Variants in PLCH2 observed in about 807,000 individuals in gnomAD.
PLCH2 encodes phospholipase C eta 2, also known as 1-phosphatidylinositol 4,5-bisphosphate phosphodiesterase eta-2.
Under a neutral mutation model 134.7 loss-of-function variants are expected in PLCH2, and 98 were observed. The observed-to-expected ratio is 0.73, with a 90% confidence interval of 0.62 to 0.86. The LOEUF is 0.86. Ranked by LOEUF, PLCH2 falls within the 40% of genes least tolerant of loss-of-function variation. The pLI, the probability that PLCH2 is intolerant of heterozygous loss-of-function variation, is 0.00. For missense variants in PLCH2, 1,994 were observed against 1,986.6 expected (o/e 1.00, Z -0.07); for synonymous variants, 974 against 827.5 (o/e 1.18, Z -3.04).
Position 2,498,651 on chromosome 1 carries a change from G to A in PLCH2, c.2349+4G>A. On this transcript the variant is annotated splice_donor_region_variant and intron_variant, in intron 17 of 21. Transcript: ENST00000378486. The surrounding 1 kb of genome is among the most constrained non-coding windows in gnomAD (Gnocchi z 5.4). ...CATGCTGGGGGACCGTGGGGAGGTG[G>A]GGGCCAGCCCCACACAGGCGGGAGG... 1.3e-6 allele frequency: 2 copies of A among 1,564,294 alleles called. No individual in the cohort carries two copies. The highest frequency in any genetic ancestry group is 1.7e-6 in the Non-Finnish European group (2 of 1,155,694).
At chr1:2,470,496 G>T (rs971447339) in intron 1 of PLCH2, among the ~76,000 whole-genome samples, 1 of 152,238 alleles carries the variant, frequency 6.6e-6, no homozygotes, top group Non-Finnish European at 1.5e-5. Context: ...CTCTGGCAGA[G>T]CATTCGTGGG....
rs12119806 is a variant in PLCH2, at chr1:2,435,608, G to A, written c.115+4979G>A. ...AGGACAGAGGTGGGAATAGTTGCTG[G>A]CTGGCAGGGCCCGAGTGCAGCGTGA... On this transcript the variant is annotated intron_variant, in intron 2 of 3. Transcript: ENST00000609981. 3.3e-3 allele frequency among the ~76,000 whole-genome samples: 498 copies of A among 152,246 alleles called. 2 individuals are homozygous for A. The highest frequency in any genetic ancestry group is 5.5e-3 in the Admixed American group (84 of 15,298).
At chr1:2,502,476 G>C (rs1185068226) in intron 21 of PLCH2, 67 bp downstream of exon 21, 2 of 1,451,616 alleles carry the variant, frequency 1.4e-6, no homozygotes, top group Admixed American at 3.9e-5. Context: ...GTCCTGGACG[G>C]CCCCGGGCCT....
At chr1:2,419,046 T>G in the PLCH2 span, among the ~76,000 whole-genome samples, 1 of 152,198 alleles carries the variant, frequency 6.6e-6, no homozygotes, top group Admixed American at 6.5e-5. Flanking sequence ...TTGGCACGGC[T>G]CATCCTCTGG....
chr1:2,467,710 A>G (rs2494631), intron 1 of PLCH2: 227,278 of 403,264 alleles, frequency 0.56, 67,090 homozygotes, highest in East Asian at 0.88. Flanking sequence ...TGGTCCCCGT[A>G]GGGAGCCCAG....
At chr1:2,477,901 G>A (rs144283296) in intron 1 of PLCH2, among the ~76,000 whole-genome samples, 1 of 152,202 alleles carries the variant, frequency 6.6e-6, no homozygotes, top group Non-Finnish European at 1.5e-5. Context: ...GAATTCGACC[G>A]CTCCCAGGAG....
intron 2 of PLCH2, among the ~76,000 whole-genome samples, chr1:2,438,478 T>C (rs1331662061): frequency 2.6e-5 from 4 of 152,104 alleles, no homozygotes; most frequent in African/African-American, 9.7e-5. Context: ...GCCCCTGCCA[T>C]GTCCCCTCCA....
chr1:2,420,143 A>G, the PLCH2 span, among the ~76,000 whole-genome samples: 1 of 151,496 alleles, frequency 6.6e-6, no homozygotes, highest in African/African-American at 2.4e-5. Context: ...TGAGTTAAGG[A>G]CTCAGACAGG....
intron 1 of PLCH2, among the ~76,000 whole-genome samples, chr1:2,477,031 G>T (rs1641669621): frequency 6.6e-6 from 1 of 152,190 alleles, no homozygotes; most frequent in Non-Finnish European, 1.5e-5. Flanking sequence ...GTGCTCTGGG[G>T]GTCAGTGGTG....
the PLCH2 span, among the ~76,000 whole-genome samples, chr1:2,417,127 C>G: frequency 2.8e-3 from 432 of 152,312 alleles, 3 homozygotes; most frequent in African/African-American, 9.1e-3. Flanking sequence ...TACCTGTGTC[C>G]CAGTCTCTAC....
intron 2 of PLCH2, among the ~76,000 whole-genome samples, chr1:2,458,157 G>A (rs1178887882): frequency 1.3e-5 from 2 of 152,230 alleles, no homozygotes; most frequent in African/African-American, 2.4e-5. Context: ...GAAGGTGGCC[G>A]GCTGGGTGGG....
At position 2,444,413 on chromosome 1, in the gene PLCH2, G is replaced by C. The variant is rs887038315; in HGVS notation, c.115+13784G>C. 2.6e-5 allele frequency among the ~76,000 whole-genome samples: 4 copies of C among 152,292 alleles called. No homozygotes were observed. The highest frequency in any genetic ancestry group is 1.9e-4 in the East Asian group (1 of 5,158). On this transcript the variant is annotated intron_variant, in intron 2 of 3. Coordinates refer to the PLCH2 transcript ENST00000609981. This position sits in a 1 kb window ranked among gnomAD's most constrained non-coding sequence, Gnocchi z 4.6. ...GCCTGGGCTGCAGGTGCTCATCTGG[G>C]GGGAGCCGGCCTCTCCCCACACTAG...
chr1:2,461,587 C>T (rs1356919906), intron 2 of PLCH2, among the ~76,000 whole-genome samples: 1 of 152,156 alleles, frequency 6.6e-6, no homozygotes, highest in East Asian at 1.9e-4. Context: ...GCCCTGGGGC[C>T]TCGGCTCCCC....
chr1:2,461,042 TGG>T (rs1640781084), intron 2 of PLCH2, among the ~76,000 whole-genome samples: 1 of 152,092 alleles, frequency 6.6e-6, no homozygotes, highest in South Asian at 2.1e-4. Context: ...AGGGCCTGGG[TGG>T]GGCCAGGTGG....
At chr1:2,460,636 C>T (rs778408943) in intron 2 of PLCH2, among the ~76,000 whole-genome samples, 7 of 152,190 alleles carry the variant, frequency 4.6e-5, no homozygotes, top group African/African-American at 1.2e-4. Context: ...AGGCCTGGGG[C>T]GGCACCCAGG....
chr1:2,465,941 C>T (rs557955255), upstream of PLCH2, among the ~76,000 whole-genome samples: 847 of 152,320 alleles, frequency 5.6e-3, 5 homozygotes, highest in African/African-American at 0.019. Flanking sequence ...CTGTGGCTTT[C>T]GCCTTCTGTC....
At position 2,498,239 on chromosome 1, in the gene PLCH2, C is replaced by A. The variant is rs1225963712; in HGVS notation, c.2225-284C>A. 1.1e-5 allele frequency: 5 copies of A among 443,562 alleles called. No individual in the cohort carries two copies. Among genetic ancestry groups the A allele is most frequent in the Non-Finnish European group, 2.0e-5 (5 of 246,806 alleles). 27.5% of individuals were successfully genotyped at this position (443,562 alleles called of 1,614,324 possible). A position where few individuals can be genotyped will look rare whatever the true frequency, so the allele number is the denominator to read the frequency against. On this transcript the variant is annotated intron_variant, in intron 16 of 21. Coordinates refer to ENST00000378486, the MANE Select transcript of PLCH2 (RefSeq NM_014638.4). The surrounding 1 kb of genome is among the most constrained non-coding windows in gnomAD (Gnocchi z 5.4). ...TCACCAGAGACCCCACCCCTCATAC[C>A]CCCAGGGACCCAGACCCACCCCCAG...
At chr1:2,436,010 T>TCCCTCCTCTCTCCTCCCTCCTC in intron 2 of PLCH2, among the ~76,000 whole-genome samples, 8 of 64,062 alleles carry the variant, frequency 1.2e-4, no homozygotes, top group African/African-American at 5.2e-4. Flanking sequence ...TCCTCCCGCT[T>TCCCTCCTCTCTCCTCCCTCCTC]CCCTCCTCTC....
chr1:2,432,280 T>A (rs1639105245), intron 2 of PLCH2, among the ~76,000 whole-genome samples: 1 of 152,112 alleles, frequency 6.6e-6, no homozygotes, highest in African/African-American at 2.4e-5. Flanking sequence ...GGGGGTCAGG[T>A]CCGCTTGGGA....
Sources: gnomAD v4.1 joint callset for allele counts (sites outside exome capture counted in the v4.1 genomes callset) on GRCh38, gnomAD v4.1.1 for gene constraint, Gnocchi (gnomAD v3.1) non-coding constraint, MANE v1.5 for transcripts, NCBI Gene and HGNC (gene_info 2026-07-23, HGNC 2026-07-21) for gene names.